Variants in EMCN observed in about 807,000 individuals in gnomAD.
The protein encoded by EMCN is MUC-14.
EMCN carries 37 observed loss-of-function variants against 38.4 expected under a neutral mutation model. The observed-to-expected ratio is 0.96, with a 90% CI of 0.74 to 1.27. EMCN has a LOEUF of 1.27. EMCN is among the 50% of genes most tolerant of loss of function. The probability of loss-of-function intolerance (pLI) is 0.00; values close to 1 mark genes in which losing one functional copy is unlikely to be tolerated. For missense variants in EMCN, 318 were observed against 302.8 expected (o/e 1.05, Z -0.37); for synonymous variants, 95 against 100.8 (o/e 0.94, Z 0.35).
At chr4:100,473,365 G>GGTTTTTTTTTTTTTTTTTTTTTTTT (rs1728533364) in intron 3 of EMCN, among the ~76,000 whole-genome samples, 1 of 29,840 alleles carries the variant, frequency 3.4e-5, no homozygotes, top group Admixed American at 4.5e-4. Flanking sequence ...CCCGTTTCGT[G>GGTTTTTTTTTTTTTTTTTTTTTTTT]TTTTTTTGTT....
At chr4:100,508,749 T>C (rs1187244852) in intron 1 of EMCN, among the ~76,000 whole-genome samples, 1 of 152,212 alleles carries the variant, frequency 6.6e-6, no homozygotes, top group Admixed American at 6.5e-5. Flanking sequence ...CTAATTTTTG[T>C]ATATGTGAGC....
chr4:100,494,522 A>C (rs561474819), intron 1 of EMCN, among the ~76,000 whole-genome samples: 1 of 152,238 alleles, frequency 6.6e-6, no homozygotes, highest in Admixed American at 6.5e-5. Flanking sequence ...ATCAACTCAA[A>C]CTTGCTTCAT....
At chr4:100,513,734 T>G (rs997546558) in intron 1 of EMCN, among the ~76,000 whole-genome samples, 5 of 152,158 alleles carry the variant, frequency 3.3e-5, no homozygotes, top group African/African-American at 9.7e-5. Context: ...TGTCCATAAC[T>G]TTTTCATAAG....
intron 5 of EMCN, among the ~76,000 whole-genome samples, chr4:100,441,915 T>C (rs759929019): frequency 1.3e-5 from 2 of 152,226 alleles, no homozygotes; most frequent in Non-Finnish European, 2.9e-5. Context: ...ACACATGATT[T>C]ACACACCACT....
At chr4:100,467,579 G>A (rs777194110) in intron 3 of EMCN, among the ~76,000 whole-genome samples, 6 of 151,646 alleles carry the variant, frequency 4.0e-5, no homozygotes, top group Admixed American at 6.6e-5. Flanking sequence ...CTACTCGGGA[G>A]GCTGAGGCAG....
chr4:100,475,144 C>T, intron 2 of EMCN, 35 bp from the exon 3 acceptor site: 1 of 1,088,148 alleles, frequency 9.2e-7, no homozygotes, highest in African/African-American at 1.6e-5. Flanking sequence ...TATTATTAAT[C>T]ATAATCTCAT....
chr4:100,513,585 A>T (rs937652472), intron 1 of EMCN, among the ~76,000 whole-genome samples: 2 of 152,140 alleles, frequency 1.3e-5, no homozygotes, highest in African/African-American at 2.4e-5. Context: ...CTGTTTAGAT[A>T]TTCTTCCCCA....
chr4:100,493,083 A>G (rs747879244), intron 1 of EMCN, among the ~76,000 whole-genome samples: 1 of 152,234 alleles, frequency 6.6e-6, no homozygotes, highest in African/African-American at 2.4e-5. Flanking sequence ...AGTACATTTT[A>G]GAGTTCTACC....
chr4:100,425,736 C>T (rs911735746), intron 5 of EMCN, among the ~76,000 whole-genome samples: 13 of 152,018 alleles, frequency 8.6e-5, no homozygotes, highest in Middle Eastern at 3.4e-3. Flanking sequence ...ACCTCCCAAC[C>T]AAGGTCAGTT....
At chr4:100,447,411 T>C in intron 5 of EMCN, 122 bp downstream of exon 5, 1 of 683,812 alleles carries the variant, frequency 1.5e-6, no homozygotes, top group Admixed American at 2.8e-5. Context: ...ATTTTATTTG[T>C]GATGTAATGT....
chr4:100,457,962 C>T (rs964910034), intron 4 of EMCN, among the ~76,000 whole-genome samples: 1 of 151,978 alleles, frequency 6.6e-6, no homozygotes. Context: ...ACTAAAAATA[C>T]GAAAATTACC....
At chr4:100,473,872 T>G (rs955119373) in intron 3 of EMCN, 2 of 153,116 alleles carry the variant, frequency 1.3e-5, no homozygotes, top group African/African-American at 4.8e-5. Flanking sequence ...CGACAAACCA[T>G]TTCTTGATCT....
intron 1 of EMCN, among the ~76,000 whole-genome samples, chr4:100,494,676 T>G (rs1375084827): frequency 6.6e-6 from 1 of 152,028 alleles, no homozygotes; most frequent in East Asian, 1.9e-4. Flanking sequence ...GGTGTACCCT[T>G]GCAAGAGGCA....
At chr4:100,497,968 T>C (rs1422073931) in intron 1 of EMCN, among the ~76,000 whole-genome samples, 1 of 152,184 alleles carries the variant, frequency 6.6e-6, no homozygotes, top group Non-Finnish European at 1.5e-5. Context: ...CAAATGGTAC[T>C]AGAGTGATGA....
intron 2 of EMCN, among the ~76,000 whole-genome samples, chr4:100,479,300 T>C (rs1728745138): frequency 6.6e-6 from 1 of 152,170 alleles, no homozygotes; most frequent in African/African-American, 2.4e-5. Context: ...ACCTGTGTGA[T>C]ATGCCTTATT....
chr4:100,467,721 T>C lies in EMCN; in HGVS notation c.260-2182A>G, dbSNP rs1226027663. On this transcript the variant is annotated intron_variant, in intron 3 of 11. Transcript: ENST00000296420. The stretch of plus-strand genomic sequence containing the variant: ...AAAAAAGATATGAGAATCATAGTCA[T>C]ATTAACATCTTTTTGAGAAAATTTT... Among the ~76,000 whole-genome samples the C allele has an allele frequency of 6.7e-5, 10 of 149,912 alleles. No homozygotes were observed. In the East Asian group the frequency reaches 2.0e-3, roughly 29 times the overall value.
intron 4 of EMCN, among the ~76,000 whole-genome samples, chr4:100,454,388 C>T (rs1178005060): frequency 6.6e-6 from 1 of 151,964 alleles, no homozygotes; most frequent in African/African-American, 2.4e-5. Context: ...CCCTCAGTGA[C>T]AACCAACGTA....
intron 1 of EMCN, among the ~76,000 whole-genome samples, chr4:100,515,230 C>G (rs1251255745): frequency 6.6e-6 from 1 of 152,094 alleles, no homozygotes; most frequent in Non-Finnish European, 1.5e-5. Context: ...GGAGGAATCT[C>G]TCTTCATTAA....
At chr4:100,454,339 G>A (rs1001930058) in intron 4 of EMCN, among the ~76,000 whole-genome samples, 1 of 151,718 alleles carries the variant, frequency 6.6e-6, no homozygotes, top group Non-Finnish European at 1.5e-5. Context: ...AAGGGTGGGG[G>A]ACCTTTGTTA....
Sources: gnomAD v4.1 joint callset for allele counts (sites outside exome capture counted in the v4.1 genomes callset) on GRCh38, gnomAD v4.1.1 for gene constraint, MANE v1.5 for transcripts, NCBI Gene and HGNC (gene_info 2026-07-23, HGNC 2026-07-21) for gene names.